The following KAZN variants were observed in gnomAD, a reference collection of about 807,000 sequenced individuals.
The protein encoded by KAZN is kazrin, periplakin interacting protein.
KAZN carries 40 observed loss-of-function variants against 87.4 expected under a neutral mutation model. The observed-to-expected ratio is 0.46, with a 90% CI of 0.36 to 0.60. The LOEUF is 0.60. Among genes scored for constraint, KAZN ranks in the 20% least tolerant of loss-of-function variants. The pLI, the probability that KAZN is intolerant of heterozygous loss-of-function variation, is 0.00. For synonymous variants in KAZN, 466 were observed against 458.3 expected (o/e 1.02, Z -0.22); for missense variants, 898 against 1,073.9 (o/e 0.84, Z 2.29).
At chr1:14,407,537 G>A (rs1267520003) in intron 2 of KAZN, among the ~76,000 whole-genome samples, 2 of 152,138 alleles carry the variant, frequency 1.3e-5, no homozygotes, top group African/African-American at 4.8e-5. Context: ...TGCAAGAGAA[G>A]ATGTGAACAG....
chr1:14,469,714 A>G (rs938876734), intron 2 of KAZN, among the ~76,000 whole-genome samples: 3 of 152,198 alleles, frequency 2.0e-5, no homozygotes, highest in African/African-American at 4.8e-5. Flanking sequence ...GTCCTGATGG[A>G]TAACAGGCTT....
intron 1 of KAZN, among the ~76,000 whole-genome samples, chr1:14,679,284 C>CT (rs540616636): frequency 1.9e-3 from 269 of 144,608 alleles, no homozygotes; most frequent in African/African-American, 2.5e-3. Context: ...TTTGTTGGGT[C>CT]TTTTTTTTTT....
chr1:14,251,266 G>A (rs1294832584), intron 2 of KAZN, among the ~76,000 whole-genome samples: 1 of 152,152 alleles, frequency 6.6e-6, no homozygotes, highest in Non-Finnish European at 1.5e-5. Flanking sequence ...AGAGGCTCTT[G>A]TTCTCTTTAA....
At chr1:14,778,594 C>G (rs1645246547) in intron 1 of KAZN, among the ~76,000 whole-genome samples, 2 of 152,104 alleles carry the variant, frequency 1.3e-5, no homozygotes, top group African/African-American at 4.8e-5. Context: ...TGCCACCTCC[C>G]CTTTTGCTCA....
At chr1:14,282,661 G>A (rs1158054028) in intron 2 of KAZN, among the ~76,000 whole-genome samples, 2 of 152,184 alleles carry the variant, frequency 1.3e-5, no homozygotes, top group African/African-American at 4.8e-5. Flanking sequence ...TCAGCATGGT[G>A]TACCTCCAGC....
At chr1:14,269,131 G>A (rs1651720983) in intron 2 of KAZN, among the ~76,000 whole-genome samples, 1 of 152,088 alleles carries the variant, frequency 6.6e-6, no homozygotes, top group Non-Finnish European at 1.5e-5. Flanking sequence ...TTTTCAACAG[G>A]GATGATATTG....
chr1:14,947,800 C>T (rs527602640), intron 1 of KAZN, among the ~76,000 whole-genome samples: 1 of 152,310 alleles, frequency 6.6e-6, no homozygotes, highest in East Asian at 1.9e-4. Flanking sequence ...ATAGTGAACA[C>T]CCAAATGGGA....
chr1:14,486,599 C>T (rs1469605241), intron 2 of KAZN, among the ~76,000 whole-genome samples: 1 of 152,148 alleles, frequency 6.6e-6, no homozygotes, highest in Non-Finnish European at 1.5e-5. Context: ...ACTTTAATAG[C>T]CTGTACATTT....
chr1:14,423,688 A>G, intron 2 of KAZN, among the ~76,000 whole-genome samples: 1 of 152,200 alleles, frequency 6.6e-6, no homozygotes, highest in Admixed American at 6.5e-5. Context: ...TCACTTTGGA[A>G]TCCAATTCCT....
chr1:14,494,591 C>T (rs1669845299), intron 2 of KAZN, among the ~76,000 whole-genome samples: 1 of 152,148 alleles, frequency 6.6e-6, no homozygotes, highest in Non-Finnish European at 1.5e-5. Context: ...GTCCAATCTC[C>T]AGTGTGGCAA....
At chr1:15,030,118 C>G (rs141639682) in intron 2 of KAZN, among the ~76,000 whole-genome samples, 1 of 152,312 alleles carries the variant, frequency 6.6e-6, no homozygotes, top group East Asian at 1.9e-4. Flanking sequence ...AAAATACTCA[C>G]CCATGCACCT....
intron 2 of KAZN, among the ~76,000 whole-genome samples, chr1:15,004,112 A>C (rs760002568): frequency 6.6e-6 from 1 of 152,224 alleles, no homozygotes; most frequent in African/African-American, 2.4e-5. Flanking sequence ...CTCGTGCACT[A>C]TCAGGGTGAG....
chr1:14,215,300 G>C (rs12080297), intron 2 of KAZN, among the ~76,000 whole-genome samples: 1,803 of 152,258 alleles, frequency 0.012, 22 homozygotes, highest in African/African-American at 0.041. Flanking sequence ...TTTTTAGGCT[G>C]TGTCAGGAGA....
chr1:14,629,507 G>A (rs1052688196), intron 1 of KAZN, among the ~76,000 whole-genome samples: 2 of 152,140 alleles, frequency 1.3e-5, no homozygotes, highest in Non-Finnish European at 2.9e-5. Context: ...ACCCCAGCAC[G>A]GCCCATGCAG....
intron 2 of KAZN, among the ~76,000 whole-genome samples, chr1:14,438,855 C>T (rs573977471): frequency 6.6e-5 from 10 of 152,294 alleles, no homozygotes; most frequent in African/African-American, 2.4e-4. Context: ...TAGAAGTTTC[C>T]AGTTTCCTCC....
chr1:15,057,127 C>CTA (rs1324700336), intron 5 of KAZN, among the ~76,000 whole-genome samples: 1 of 152,146 alleles, frequency 6.6e-6, no homozygotes, highest in Non-Finnish European at 1.5e-5. Flanking sequence ...GCAGGCCCTG[C>CTA]TATTGCCTGT....
chr1:14,201,773 A>G (rs1209905665), intron 2 of KAZN, among the ~76,000 whole-genome samples: 3 of 152,266 alleles, frequency 2.0e-5, no homozygotes, highest in Admixed American at 2.0e-4. Context: ...GGTTGAGGTG[A>G]TTCTCCTGCC....
At chr1:14,602,947 G>C (rs896212195) in intron 1 of KAZN, among the ~76,000 whole-genome samples, 2 of 152,184 alleles carry the variant, frequency 1.3e-5, no homozygotes, top group African/African-American at 4.8e-5. Flanking sequence ...GCAAGGGTCG[G>C]TTTCCTGTAC....
rs554099275 is a variant in KAZN, at chr1:14,923,981, G to T, written c.227-36703G>T. 3.0e-4 allele frequency: 103 copies of T among 343,136 alleles called. No homozygotes were observed. The highest frequency in any genetic ancestry group is 1.6e-3 in the Middle Eastern group (1 of 626). 21.3% of individuals were successfully genotyped at this position (343,136 alleles called of 1,614,324 possible). On this transcript the variant is annotated intron_variant, in intron 1 of 14. Transcript: ENST00000376030. The surrounding 1 kb of genome is among the most constrained non-coding windows in gnomAD (Gnocchi z 4.2). ...GTCGGGGATGCACCGAGTGGCGGGG[G>T]CCGGGCGCACAACGGGGCGACGCGG...
Sources: allele counts gnomAD v4.1 joint callset (sites outside exome capture counted in the v4.1 genomes callset), GRCh38; gene constraint gnomAD v4.1.1; non-coding constraint Gnocchi (gnomAD v3.1); transcripts MANE v1.5; gene names NCBI Gene and HGNC (gene_info 2026-07-23, HGNC 2026-07-21).